Variants in DGKB observed in about 807,000 individuals in gnomAD.
DGKB encodes 90 kDa diacylglycerol kinase.
DGKB carries 67 observed loss-of-function variants against 114.3 expected under a neutral mutation model. The ratio of observed to expected loss-of-function variants is 0.59; its 90% CI spans 0.48 to 0.72. The LOEUF (loss-of-function observed/expected upper bound fraction) is 0.72. DGKB is among the 30% of genes least tolerant of loss of function. The pLI, the probability that DGKB is intolerant of heterozygous loss-of-function variation, is 0.00. For synonymous variants in DGKB, 398 were observed against 323.1 expected, an observed-to-expected ratio of 1.23 and a Z score of -2.49; for missense variants, 907 against 975.2, an observed-to-expected ratio of 0.93 and a Z score of 0.93.
intron 6 of DGKB, among the ~76,000 whole-genome samples, chr7:14,709,030 C>G (rs564337791): frequency 6.9e-6 from 1 of 144,342 alleles, no homozygotes; most frequent in Admixed American, 6.9e-5. Flanking sequence ...GAACAGGCAA[C>G]CTACAAAATG....
intron 21 of DGKB, among the ~76,000 whole-genome samples, chr7:14,406,005 C>T (rs1190789077): frequency 6.6e-6 from 1 of 151,908 alleles, no homozygotes; most frequent in Non-Finnish European, 1.5e-5. Flanking sequence ...GTTGTATTAC[C>T]AGAGCCCAGG....
intron 23 of DGKB, among the ~76,000 whole-genome samples, chr7:14,254,256 T>C (rs1355874477): frequency 1.3e-5 from 2 of 152,212 alleles, no homozygotes; most frequent in Non-Finnish European, 2.9e-5. Context: ...CAGATTATTT[T>C]TATCATGCTT....
chr7:14,153,111 A>G (rs1206247074), intron 25 of DGKB, among the ~76,000 whole-genome samples: 1 of 152,128 alleles, frequency 6.6e-6, no homozygotes, highest in African/African-American at 2.4e-5. Context: ...GACTTTGTTC[A>G]GCCCAACTAA....
intron 20 of DGKB, among the ~76,000 whole-genome samples, chr7:14,481,496 T>C (rs1251007831): frequency 6.6e-6 from 1 of 151,968 alleles, no homozygotes; most frequent in Non-Finnish European, 1.5e-5. Context: ...AAATAATCTT[T>C]CTCTCACAAA....
At chr7:14,452,671 T>C (rs1021870242) in intron 21 of DGKB, among the ~76,000 whole-genome samples, 1 of 151,996 alleles carries the variant, frequency 6.6e-6, no homozygotes, top group Non-Finnish European at 1.5e-5. Context: ...TTATATTATA[T>C]AATAAAAATC....
chr7:14,790,223 T>C (rs1439463773), intron 2 of DGKB, among the ~76,000 whole-genome samples: 1 of 152,220 alleles, frequency 6.6e-6, no homozygotes, highest in Non-Finnish European at 1.5e-5. Flanking sequence ...TTTCCAAGTA[T>C]GTTCTCCCAC....
At chr7:14,402,869 T>A (rs990486238) in intron 21 of DGKB, among the ~76,000 whole-genome samples, 1 of 151,884 alleles carries the variant, frequency 6.6e-6, no homozygotes, top group Non-Finnish European at 1.5e-5. Flanking sequence ...GATCAAAGGC[T>A]CCAGACTGTA....
chr7:14,830,151 A>T (rs886119514), intron 2 of DGKB, among the ~76,000 whole-genome samples: 21 of 97,844 alleles, frequency 2.1e-4, no homozygotes, highest in East Asian at 9.1e-4. Flanking sequence ...AGTACTTTTT[A>T]AAAAAAATTG....
At position 14,726,397 on chromosome 7, in the gene DGKB, T is replaced by G. The variant is rs532782566; in HGVS notation, c.323-7712A>C. On this transcript the variant is annotated intron_variant, in intron 5 of 25. Coordinates refer to ENST00000402815, the MANE Select transcript of DGKB (RefSeq NM_001350709.2). ...TCAGGTGATCCATGGCCTCCCAAAG[T>G]GCTGGGATTACAGACGTGAGCCACC... 9.2e-5 allele frequency among the ~76,000 whole-genome samples: 14 copies of G among 152,160 alleles called. No homozygotes were observed. In the East Asian group the frequency reaches 2.1e-3, roughly 23 times the overall value.
intron 23 of DGKB, among the ~76,000 whole-genome samples, chr7:14,230,096 A>G (rs1487551984): frequency 6.6e-6 from 1 of 151,912 alleles, no homozygotes; most frequent in Non-Finnish European, 1.5e-5. Context: ...GCTCATACTT[A>G]CCTTGTACTA....
chr7:14,359,167 A>G (rs998517002), intron 21 of DGKB, among the ~76,000 whole-genome samples: 1 of 152,160 alleles, frequency 6.6e-6, no homozygotes, highest in Non-Finnish European at 1.5e-5. Context: ...AATGCCACAC[A>G]TCTACAACCA....
chr7:14,636,784 A>G (rs997477429), intron 13 of DGKB, among the ~76,000 whole-genome samples: 3 of 151,902 alleles, frequency 2.0e-5, no homozygotes, highest in African/African-American at 4.8e-5. Context: ...ATTTGTCCCA[A>G]AATTGCTTAG....
At chr7:14,611,465 A>C (rs1003644610) in intron 16 of DGKB, among the ~76,000 whole-genome samples, 6 of 152,166 alleles carry the variant, frequency 3.9e-5, no homozygotes, top group Non-Finnish European at 8.8e-5. Flanking sequence ...AAGCCAAAAA[A>C]TTTGGAAAGG....
chr7:14,178,158 G>A lies in DGKB; in HGVS notation c.2123-7C>T, dbSNP rs1782061560. 6.2e-7 allele frequency: 1 copy of A among 1,613,202 alleles called. No homozygotes were observed. The highest frequency in any genetic ancestry group is 8.5e-7 in the Non-Finnish European group (1 of 1,179,710). On this transcript the variant is annotated splice_region_variant and splice_polypyrimidine_tract_variant and intron_variant, in intron 23 of 25. Transcript: ENST00000402815. ...AGCAGCTGGTCACTGAGATCTGAAA[G>A]AAAGTAGATGCCTTTTAAGTTGCAA...
At chr7:14,893,944 T>C (rs1488118104) in intron 1 of DGKB, among the ~76,000 whole-genome samples, 1 of 151,312 alleles carries the variant, frequency 6.6e-6, no homozygotes, top group African/African-American at 2.4e-5. Context: ...AATCGGGTTC[T>C]GTTCATAAGT....
intron 21 of DGKB, among the ~76,000 whole-genome samples, chr7:14,461,599 G>A (rs1448151304): frequency 1.3e-5 from 2 of 152,130 alleles, no homozygotes; most frequent in Admixed American, 6.6e-5. Flanking sequence ...TTCTGTAACT[G>A]AGGCTGTAAT....
At chr7:14,344,249 C>T (rs918684948) in intron 22 of DGKB, among the ~76,000 whole-genome samples, 2 of 151,142 alleles carry the variant, frequency 1.3e-5, no homozygotes, top group African/African-American at 2.4e-5. Context: ...GGGTTTTTTC[C>T]CATTCCATGA....
At chr7:14,584,619 G>T (rs1251967885) in intron 17 of DGKB, among the ~76,000 whole-genome samples, 1 of 151,930 alleles carries the variant, frequency 6.6e-6, no homozygotes, top group African/African-American at 2.4e-5. Flanking sequence ...AACACTCAAA[G>T]ATGTGCCTTT....
chr7:14,300,255 G>A (rs1408808815), intron 23 of DGKB, among the ~76,000 whole-genome samples: 2 of 152,008 alleles, frequency 1.3e-5, no homozygotes, highest in African/African-American at 4.8e-5. Flanking sequence ...CAATAGCAAA[G>A]TGCACCTCAT....
Sources: allele counts gnomAD v4.1 joint callset (sites outside exome capture counted in the v4.1 genomes callset), GRCh38; gene constraint gnomAD v4.1.1; transcripts MANE v1.5; gene names NCBI Gene and HGNC (gene_info 2026-07-23, HGNC 2026-07-21).